TRPC4: variants seen among roughly 807,000 people sequenced by gnomAD.
The protein encoded by TRPC4 is transient receptor potential cation channel subfamily C member 4.
Under a neutral mutation model 99.4 loss-of-function variants are expected in TRPC4, and 49 were observed. The ratio of observed to expected loss-of-function variants is 0.49; its 90% confidence interval spans 0.39 to 0.63. TRPC4 has a LOEUF of 0.63. Ranked by LOEUF, TRPC4 falls within the 20% of genes least tolerant of loss-of-function variation. The pLI, the probability that TRPC4 is intolerant of heterozygous loss-of-function variation, is 0.00. For missense variants in TRPC4, 898 were observed against 1,152.9 expected (o/e 0.78, Z 3.20); for synonymous variants, 454 against 425.9 (o/e 1.07, Z -0.81).
At chr13:37,640,014 G>A (rs1416677036) in intron 8 of TRPC4, among the ~76,000 whole-genome samples, 1 of 151,748 alleles carries the variant, frequency 6.6e-6, no homozygotes, top group Non-Finnish European at 1.5e-5. Context: ...ATCCCATTAT[G>A]AGTTGAGTGA....
At chr13:37,801,651 C>T (rs574247699) in intron 1 of TRPC4, among the ~76,000 whole-genome samples, 3 of 152,116 alleles carry the variant, frequency 2.0e-5, no homozygotes, top group African/African-American at 7.2e-5. Flanking sequence ...TGTCTTTGGG[C>T]ACTAAGTGGG....
chr13:37,861,826 T>C (rs1007224802), intron 1 of TRPC4, among the ~76,000 whole-genome samples: 2 of 151,522 alleles, frequency 1.3e-5, no homozygotes, highest in Non-Finnish European at 3.0e-5. Flanking sequence ...TATCTTTAAA[T>C]GTTCTTTATC....
At chr13:37,727,035 C>T (rs1955089129) in intron 3 of TRPC4, among the ~76,000 whole-genome samples, 1 of 151,976 alleles carries the variant, frequency 6.6e-6, no homozygotes, top group Admixed American at 6.6e-5. Flanking sequence ...AATAATCTTC[C>T]TTTAAGTAAT....
chr13:37,694,552 A>T (rs976665408), intron 3 of TRPC4, among the ~76,000 whole-genome samples: 3 of 152,230 alleles, frequency 2.0e-5, no homozygotes, highest in Non-Finnish European at 4.4e-5. Context: ...CTGTAAAATT[A>T]CCTAAAAAAA....
chr13:37,860,911 T>A (rs1002389357), intron 1 of TRPC4, among the ~76,000 whole-genome samples: 1 of 151,556 alleles, frequency 6.6e-6, no homozygotes, highest in African/African-American at 2.4e-5. Flanking sequence ...TTTACTTATG[T>A]ATCTATTTCA....
chr13:37,822,258 C>G (rs528884720), intron 1 of TRPC4, among the ~76,000 whole-genome samples: 38 of 148,306 alleles, frequency 2.6e-4, no homozygotes, highest in African/African-American at 8.9e-4. Flanking sequence ...GATACCATCT[C>G]AAATTAATCA....
intron 2 of TRPC4, among the ~76,000 whole-genome samples, chr13:37,779,422 T>A (rs1485196175): frequency 1.4e-5 from 2 of 144,792 alleles, no homozygotes; most frequent in African/African-American, 2.5e-5. Context: ...CTCTTCTCAT[T>A]AAAAAAAAAA....
rs79850333 is a variant in TRPC4 at position 37,808,297 on chromosome 13, G to A, written c.-27-24937C>T. ...GTCTTGGCAGGTCTGTTTCAGAAAA[G>A]TACATTAGTATATGTTTATTTTTAA... On this transcript the variant is annotated intron_variant, in intron 1 of 10. Transcript: ENST00000379705. Among the ~76,000 whole-genome samples, 1,245 of 152,176 alleles carry A rather than the reference G, an allele frequency of 8.2e-3. 26 individuals are homozygous for A. The East Asian group carries it at 0.1, about 12-fold the overall frequency.
chr13:37,816,777 T>C (rs868781770), intron 1 of TRPC4, among the ~76,000 whole-genome samples: 1 of 151,906 alleles, frequency 6.6e-6, no homozygotes, highest in Non-Finnish European at 1.5e-5. Flanking sequence ...AAAAACCACA[T>C]AATTATCTCA....
intron 1 of TRPC4, among the ~76,000 whole-genome samples, chr13:37,841,400 G>A (rs1028305998): frequency 6.6e-6 from 1 of 151,390 alleles, no homozygotes. Context: ...TGGTGTAAAA[G>A]AACAAATATC....
chr13:37,745,196 C>G (rs1050469462), intron 3 of TRPC4, among the ~76,000 whole-genome samples: 1 of 151,490 alleles, frequency 6.6e-6, no homozygotes, highest in Non-Finnish European at 1.5e-5. Flanking sequence ...TCTATATATA[C>G]AGTTGTCCCC....
At chr13:37,858,345 A>G (rs1006310444) in intron 1 of TRPC4, among the ~76,000 whole-genome samples, 12 of 151,770 alleles carry the variant, frequency 7.9e-5, no homozygotes, top group Non-Finnish European at 1.8e-4. Flanking sequence ...ACCACAATGA[A>G]AAACAGTTTG....
intron 4 of TRPC4, among the ~76,000 whole-genome samples, chr13:37,679,237 C>T (rs549196114): frequency 1.3e-5 from 2 of 152,154 alleles, no homozygotes; most frequent in East Asian, 3.9e-4. Context: ...TTTGCTGCCT[C>T]CTGTGGTGGT....
chr13:37,851,253 C>A (rs1593317897), intron 1 of TRPC4, among the ~76,000 whole-genome samples: 1 of 151,986 alleles, frequency 6.6e-6, no homozygotes, highest in East Asian at 1.9e-4. Flanking sequence ...TATTTGCTTT[C>A]CAGTAGACAG....
At chr13:37,651,100 T>C in intron 8 of TRPC4, 165 bp downstream of exon 8, 1 of 754,388 alleles carries the variant, frequency 1.3e-6, no homozygotes, top group Non-Finnish European at 2.1e-6. Flanking sequence ...GAAATCCTAG[T>C]TAATCAGACA....
intron 2 of TRPC4, among the ~76,000 whole-genome samples, chr13:37,747,560 A>C (rs1955821363): frequency 6.6e-6 from 1 of 152,204 alleles, no homozygotes; most frequent in Non-Finnish European, 1.5e-5. Context: ...TGCTGGAAAA[A>C]TGAAGGAAAC....
In TRPC4 at chr13:37,649,003, G is replaced by T. The variant is rs1368678277; in HGVS notation, c.2079+2262C>A. 1.1e-3 allele frequency among the ~76,000 whole-genome samples: 17 copies of T among 16,040 alleles called. No homozygotes were observed. In the Admixed American group the frequency reaches 0.02, roughly 19 times the overall value. The allele number at this position is 16,040 out of a possible 152,430, so 10.5% of individuals were successfully genotyped here. On this transcript the variant is annotated intron_variant, in intron 8 of 10. Transcript: ENST00000379705. Reference sequence around the variant, plus strand: ...GAAATACATATTTCTTTGGTGAGTAGGTATTTTTTTTTTTTGGCCCAGAAG... The same window carrying T: ...GAAATACATATTTCTTTGGTGAGTATGTATTTTTTTTTTTTGGCCCAGAAG...
At chr13:37,653,562 T>A (rs998888240) in intron 7 of TRPC4, among the ~76,000 whole-genome samples, 5 of 152,158 alleles carry the variant, frequency 3.3e-5, no homozygotes, top group Admixed American at 2.6e-4. Context: ...CATGGAGTCC[T>A]GGGAATCACA....
chr13:37,678,642 T>G (rs1953137071), intron 4 of TRPC4, among the ~76,000 whole-genome samples: 1 of 151,978 alleles, frequency 6.6e-6, no homozygotes. Flanking sequence ...AAAATTCAGG[T>G]CCAGTTGATT....
Sources: allele counts gnomAD v4.1 joint callset (sites outside exome capture counted in the v4.1 genomes callset), GRCh38; gene constraint gnomAD v4.1.1; transcripts MANE v1.5; gene names NCBI Gene and HGNC (gene_info 2026-07-23, HGNC 2026-07-21).